HELQ: variants seen among roughly 807,000 people sequenced by gnomAD.
HELQ encodes helicase POLQ-like.
In HELQ, 77 loss-of-function variants were observed where a neutral mutation model predicts 111.6. That is an observed-to-expected ratio of 0.69 (90% confidence interval 0.57 to 0.83). HELQ has a LOEUF of 0.83. Ranked by LOEUF, HELQ falls within the 40% of genes least tolerant of loss-of-function variation. HELQ has a pLI of 0.00. For synonymous variants in HELQ, 438 were observed against 454.7 expected (o/e 0.96, Z 0.47); for missense variants, 1,200 against 1,288.5 (o/e 0.93, Z 1.05).
chr4:83,413,445 G>A (rs755454357), intron 17 of HELQ, among the ~76,000 whole-genome samples: 5 of 152,174 alleles, frequency 3.3e-5, no homozygotes, highest in Admixed American at 1.3e-4. Flanking sequence ...AAAAGACTTT[G>A]AGTTTTTCCT....
In HELQ at chr4:83,453,875, A is replaced by G. The variant is rs753388205; in HGVS notation, c.368T>C (p.Val123Ala). The G allele has an allele frequency of 3.1e-6, 5 of 1,614,084 alleles. No individual in the cohort carries two copies. The highest frequency in any genetic ancestry group is 1.1e-5 in the South Asian group (1 of 91,084). The change falls in exon 2 of 18, where the codon GTT (valine) becomes GCT (alanine). Residue 123 changes from valine (V) to alanine (A), a missense_variant. Val to Ala is a moderately conservative substitution (Grantham distance 64, BLOSUM62 0). Around this residue, in one of 3 missense-constraint regions of HELQ, gnomAD observed 610 missense variants for 607.1 expected, o/e 1.00. Coordinates refer to ENST00000295488, the MANE Select transcript of HELQ (RefSeq NM_133636.5). Reference protein sequence around the residue: ...SFTENSFIAQVDDLEQKYMQL... With the variant: ...SFTENSFIAQADDLEQKYMQL... The stretch of plus-strand genomic sequence containing the variant: ...CATATATTTTTGTTCCAGGTCGTCA[A>G]CTTGAGCTATAAAGGAGTTTTCAGT...
intron 12 of HELQ, among the ~76,000 whole-genome samples, chr4:83,428,388 C>A (rs1201835951): frequency 1.3e-5 from 2 of 151,894 alleles, no homozygotes; most frequent in African/African-American, 4.8e-5. Context: ...TCGTGAAACC[C>A]CATCTCCACT....
intron 17 of HELQ, among the ~76,000 whole-genome samples, chr4:83,411,784 C>CTG (rs1739117083): frequency 6.6e-6 from 1 of 151,614 alleles, no homozygotes; most frequent in African/African-American, 2.4e-5. Context: ...CACAGGCACA[C>CTG]ATCACCATGC....
Position 83,441,770 on chromosome 4 carries a change from C to T in HELQ, c.1564-367G>A, listed in dbSNP as rs865785164. On this transcript the variant is annotated intron_variant, in intron 6 of 17. Coordinates refer to ENST00000295488, the MANE Select transcript of HELQ (RefSeq NM_133636.5). ...TATGTCTCAAGATCTAAAACTTTGTCTTTTTTTTTTTTTTTTTTTTGAGAC... is the reference window on the plus strand; with the variant it reads ...TATGTCTCAAGATCTAAAACTTTGTTTTTTTTTTTTTTTTTTTTTTGAGAC... 9.8e-3 allele frequency among the ~76,000 whole-genome samples: 1,215 copies of T among 123,824 alleles called. 25 individuals are homozygous for T. Among genetic ancestry groups the T allele is most frequent in the African/African-American group, 0.032 (1,138 of 35,088 alleles). 81.2% of individuals were successfully genotyped at this position (123,824 alleles called of 152,430 possible).
In HELQ at chr4:83,448,956, G is replaced by T; in HGVS notation, c.1018C>A (p.Gln340Lys). ...GAATTCAATGTTAAACAAGTATGTT[G>T]CCATTCTGTGGAATTAAAAAAAAAA... The part of the protein sequence containing the change: ...FKGIEKLYEW[Q>K]HTCLTLNSVQ... Residue 340 changes from glutamine to lysine, a missense_variant, in exon 3 of 18, where the codon CAA (glutamine) becomes AAA (lysine). Physicochemically the swap from Gln to Lys is moderately conservative, Grantham distance 53. Transcript: ENST00000295488. 6.4e-7 allele frequency: 1 copy of T among 1,553,216 alleles called. No individual in the cohort carries two copies. Among genetic ancestry groups the T allele is most frequent in the Non-Finnish European group, 8.7e-7 (1 of 1,149,800 alleles).
chr4:83,429,350 T>C (rs938587045), intron 12 of HELQ, among the ~76,000 whole-genome samples, 174 bp downstream of exon 12: 5 of 152,182 alleles, frequency 3.3e-5, no homozygotes, highest in Admixed American at 1.3e-4. Flanking sequence ...GGTTTTACTA[T>C]ATTGGCCAGG....
intron 8 of HELQ, among the ~76,000 whole-genome samples, chr4:83,438,748 G>GGAAAAAA (rs1491454371): frequency 1.9e-5 from 2 of 104,282 alleles, no homozygotes; most frequent in African/African-American, 4.6e-5. Flanking sequence ...CCTGTCTCAG[G>GGAAAAAA]AAAAAAAAAA....
chr4:83,443,891 A>T (rs1465775592), intron 5 of HELQ, among the ~76,000 whole-genome samples: 1 of 152,058 alleles, frequency 6.6e-6, no homozygotes, highest in Non-Finnish European at 1.5e-5. Context: ...CAAAAAAATT[A>T]AAAATTACCT....
chr4:83,421,703 G>A lies in HELQ; in HGVS notation c.2809C>T (p.Leu937=), dbSNP rs781591268. Residue 937 remains leucine (L), a synonymous_variant, in exon 15 of 18, where the codon CTG becomes TTG. Transcript: ENST00000295488. ...VDKNVVNRLY[L]SFVLYTLLKE... Reference sequence around the variant, plus strand: ...AGCAAGGTATAAAGAACAAAAGACAGATATAGCCTGTTGACAACGTTCTTG... The same window carrying A: ...AGCAAGGTATAAAGAACAAAAGACAAATATAGCCTGTTGACAACGTTCTTG... The A allele has an allele frequency of 6.2e-7, 1 of 1,613,608 alleles. No homozygotes were observed. Among genetic ancestry groups the A allele is most frequent in the Admixed American group, 1.7e-5 (1 of 59,952 alleles).
At chr4:83,427,840 A>T (rs982043022) in intron 12 of HELQ, 120 bp from the exon 13 acceptor site, 1 of 598,496 alleles carries the variant, frequency 1.7e-6, no homozygotes. Flanking sequence ...CTCTTATAAC[A>T]TCTTACTATA....
intron 11 of HELQ, among the ~76,000 whole-genome samples, chr4:83,430,043 C>T (rs1428386907): frequency 6.6e-6 from 1 of 151,714 alleles, no homozygotes; most frequent in African/African-American, 2.4e-5. Flanking sequence ...CAGAACTGTG[C>T]TATTTACTCC....
chr4:83,418,947 T>C (rs1739504894), intron 15 of HELQ, among the ~76,000 whole-genome samples: 1 of 152,222 alleles, frequency 6.6e-6, no homozygotes, highest in Non-Finnish European at 1.5e-5. Flanking sequence ...TTTTTCTTAT[T>C]GTTTAAACCT....
chr4:83,442,261 T>C (rs1044560149), intron 6 of HELQ, among the ~76,000 whole-genome samples: 6 of 31,876 alleles, frequency 1.9e-4, no homozygotes, highest in African/African-American at 9.7e-4. Context: ...AAAACATCAA[T>C]TTTTTTTTTT....
At chr4:83,408,618 T>G (rs1383869905) in intron 17 of HELQ, among the ~76,000 whole-genome samples, 1 of 151,434 alleles carries the variant, frequency 6.6e-6, no homozygotes, top group Non-Finnish European at 1.5e-5. Context: ...CTCCCTATGT[T>G]GTCCAGGCTG....
chr4:83,451,682 A>T (rs1486398394), intron 2 of HELQ, among the ~76,000 whole-genome samples: 1 of 152,060 alleles, frequency 6.6e-6, no homozygotes, highest in Admixed American at 6.5e-5. Flanking sequence ...ACAAAAAAAC[A>T]AAAACAAAAA....
chr4:83,420,684 T>C (rs113009959), intron 15 of HELQ, among the ~76,000 whole-genome samples: 25,575 of 151,754 alleles, frequency 0.17, 3,480 homozygotes, highest in African/African-American at 0.37. Flanking sequence ...ACTCTAGAGG[T>C]TGAGGCAGGA....
chr4:83,414,314 C>G (rs1739253894), intron 17 of HELQ, among the ~76,000 whole-genome samples: 1 of 152,186 alleles, frequency 6.6e-6, no homozygotes, highest in African/African-American at 2.4e-5. Context: ...AGCACCACAA[C>G]AAACTTCCCA....
chr4:83,447,574 G>T (rs1721119369), intron 3 of HELQ, among the ~76,000 whole-genome samples: 1 of 152,030 alleles, frequency 6.6e-6, no homozygotes, highest in Non-Finnish European at 1.5e-5. Context: ...ATACCAAAAA[G>T]CATCAGGGGT....
At chr4:83,434,371 C>T (rs1720334422) in intron 9 of HELQ, among the ~76,000 whole-genome samples, 1 of 152,092 alleles carries the variant, frequency 6.6e-6, no homozygotes, top group Non-Finnish European at 1.5e-5. Flanking sequence ...GAGTAAGACT[C>T]TGTCTCACAA....
Sources: gnomAD v4.1 joint callset for allele counts (sites outside exome capture counted in the v4.1 genomes callset) on GRCh38, gnomAD v4.1.1 for gene constraint, gnomAD v4.1.1 regional missense constraint, MANE v1.5 for transcripts, NCBI Gene and HGNC (gene_info 2026-07-23, HGNC 2026-07-21) for gene names.